Variants in EI24 observed in about 807,000 individuals in gnomAD.
EI24 encodes etoposide-induced protein 2.4 homolog.
In EI24, 21 loss-of-function variants were observed where a neutral mutation model predicts 48.6. The ratio of observed to expected loss-of-function variants is 0.43; its 90% CI spans 0.31 to 0.62. EI24 has a LOEUF of 0.62. EI24 is among the 20% of genes least tolerant of loss of function. The pLI, the probability that EI24 is intolerant of heterozygous loss-of-function variation, is 0.10. For missense variants in EI24, 280 were observed against 410.5 expected (o/e 0.68, Z 2.75); for synonymous variants, 114 against 145.5 (o/e 0.78, Z 1.56).
At chr11:125,573,441 A>G (rs1265228306) in intron 2 of EI24, 1 of 215,448 alleles carries the variant, frequency 4.6e-6, no homozygotes, top group South Asian at 5.4e-5. Context: ...TTAGTGGAAG[A>G]GTTTAAAAGG....
At chr11:125,577,929 C>A in intron 5 of EI24, 1 of 639,536 alleles carries the variant, frequency 1.6e-6, no homozygotes. Context: ...CAGCACATAT[C>A]TATGGTTTCT....
At chr11:125,579,431 C>T (rs929585617) in intron 7 of EI24, among the ~76,000 whole-genome samples, 2 of 151,468 alleles carry the variant, frequency 1.3e-5, no homozygotes, top group African/African-American at 4.9e-5. Context: ...TTTGGGAGGC[C>T]GAGGTGGGCG....
chr11:125,579,953 TGTGCCCA>T (rs1392591414), intron 7 of EI24, 133 bp from the exon 8 acceptor site: 100 of 703,232 alleles, frequency 1.4e-4, no homozygotes, highest in Non-Finnish European at 2.3e-4. Flanking sequence ...AATGAGTCAC[TGTGCCCA>T]CCCTGCACTC....
intron 10 of EI24, among the ~76,000 whole-genome samples, 172 bp from the exon 11 acceptor site, chr11:125,583,349 G>A (rs1436025061): frequency 6.6e-6 from 1 of 152,116 alleles, no homozygotes; most frequent in African/African-American, 2.4e-5. Context: ...CGGCTCCAAT[G>A]TATTCTTTAG....
intron 5 of EI24, 78 bp from the exon 6 acceptor site, chr11:125,578,055 T>A: frequency 6.4e-7 from 1 of 1,559,828 alleles, no homozygotes; most frequent in Non-Finnish European, 8.8e-7. Context: ...CAGAGAATAG[T>A]CACGAGATGG....
chr11:125,577,905 A>AGGTTTGTG, intron 5 of EI24: 1 of 593,554 alleles, frequency 1.7e-6, no homozygotes. Flanking sequence ...TCATGTAAGC[A>AGGTTTGTG]GGTTTGTGTC....
chr11:125,582,965 A>C (rs1939073946), intron 10 of EI24, among the ~76,000 whole-genome samples: 1 of 152,234 alleles, frequency 6.6e-6, no homozygotes, highest in African/African-American at 2.4e-5. Flanking sequence ...CATAGCTTGA[A>C]GTCTGTACCC....
At chr11:125,583,466 C>T (rs1427865953) in intron 10 of EI24, 55 bp from the exon 11 acceptor site, 3 of 1,415,286 alleles carry the variant, frequency 2.1e-6, no homozygotes, top group African/African-American at 1.4e-5. Flanking sequence ...TGTCAAACAA[C>T]GGAAATAATT....
At position 125,575,411 on chromosome 11, in the gene EI24, A is replaced by C. The variant is rs562638025; in HGVS notation, c.188+3A>C. The C allele has an allele frequency of 1.3e-6, 2 of 1,585,226 alleles. No homozygotes were observed. The highest frequency in any genetic ancestry group is 2.7e-5 in the African/African-American group (2 of 74,474). ...AGTATAGAGCGGAAGCAAGAGAGGT[A>C]AGGAGTGCATGCCTGATATCAAAAT... On this transcript the variant is annotated splice_donor_region_variant and intron_variant, in intron 3 of 10. Coordinates refer to ENST00000278903, the MANE Select transcript of EI24 (RefSeq NM_004879.5).
chr11:125,573,350 A>T (rs1938599924), intron 2 of EI24: 1 of 167,004 alleles, frequency 6.0e-6, no homozygotes. Flanking sequence ...TCTGAAGCCT[A>T]ATAATGTCTC....
At chr11:125,578,878 A>C in intron 6 of EI24, 71 bp from the exon 7 acceptor site, 1 of 1,504,950 alleles carries the variant, frequency 6.6e-7, no homozygotes, top group Non-Finnish European at 8.9e-7. Context: ...GTGGCGGACT[A>C]GTGGCCTTAG....
At chr11:125,571,941 TTAAAC>T (rs1938551234) in intron 1 of EI24, among the ~76,000 whole-genome samples, 1 of 152,216 alleles carries the variant, frequency 6.6e-6, no homozygotes, top group African/African-American at 2.4e-5. Flanking sequence ...ATGTCATACC[TTAAAC>T]TTTACTGTGC....
chr11:125,578,875 A>G (rs1591358738), intron 6 of EI24, 74 bp from the exon 7 acceptor site: 1 of 1,491,456 alleles, frequency 6.7e-7, no homozygotes, highest in Non-Finnish European at 9.0e-7. Flanking sequence ...CTAGTGGCGG[A>G]CTAGTGGCCT....
intron 8 of EI24, chr11:125,580,974 G>A (rs1205391551): frequency 1.9e-5 from 3 of 157,292 alleles, no homozygotes; most frequent in Non-Finnish European, 4.1e-5. Context: ...CTACTTGGGA[G>A]GCTGAGGTGG....
At chr11:125,571,941 T>C (rs1413375435) in intron 1 of EI24, among the ~76,000 whole-genome samples, 1 of 152,216 alleles carries the variant, frequency 6.6e-6, no homozygotes, top group African/African-American at 2.4e-5. Flanking sequence ...ATGTCATACC[T>C]TAAACTTTAC....
At chr11:125,573,444 T>C in intron 2 of EI24, 1 of 243,592 alleles carries the variant, frequency 4.1e-6, no homozygotes, top group Non-Finnish European at 8.9e-6. Context: ...GTGGAAGAGT[T>C]TAAAAGGTTA....
At position 125,578,446 on chromosome 11, in the gene EI24, G is replaced by A. The variant is rs192300605; in HGVS notation, c.441+189G>A. ...GAATTATTGTCTCAGCATCTCATTG[G>A]CAGGTGTCTGGTGCCTTTTCTTTTT... On this transcript the variant is annotated intron_variant, in intron 6 of 10. Coordinates refer to ENST00000278903, the MANE Select transcript of EI24 (RefSeq NM_004879.5). Among the ~76,000 whole-genome samples the A allele has an allele frequency of 2.5e-3, 373 of 150,504 alleles. 4 individuals are homozygous for A. Among genetic ancestry groups the A allele is most frequent in the Middle Eastern group, 6.9e-3 (2 of 290 alleles).
chr11:125,577,684 CTTTT>C (rs930520823), intron 5 of EI24, 114 bp downstream of exon 5: 112 of 912,452 alleles, frequency 1.2e-4, no homozygotes, highest in Admixed American at 6.7e-4. Context: ...TGTTTATTTT[CTTTT>C]TTGTTGTTTT....
In EI24 at chr11:125,575,274, C is replaced by G. The variant is rs1938691516; in HGVS notation, c.54C>G (p.Asp18Glu). Residue 18 changes from aspartate (D) to glutamate (E), a missense_variant, in exon 3 of 11, where the codon GAC (aspartate) becomes GAG (glutamate). By Grantham distance (45) the Asp-to-Glu change is conservative. Transcript: ENST00000278903. Reference protein sequence around the residue: ...FLQDLARGIKDSIWGICTISK... With the variant: ...FLQDLARGIKESIWGICTISK... ...AGCCTTTTCTATAGGGAATCAAAGA[C>G]TCCATCTGGGGTATTTGTACCATCT... 6.5e-7 allele frequency: 1 copy of G among 1,548,260 alleles called. No individual in the cohort carries two copies. The highest frequency in any genetic ancestry group is 8.7e-7 in the Non-Finnish European group (1 of 1,144,908).
Sources: allele counts gnomAD v4.1 joint callset (sites outside exome capture counted in the v4.1 genomes callset), GRCh38; gene constraint gnomAD v4.1.1; transcripts MANE v1.5; gene names NCBI Gene and HGNC (gene_info 2026-07-23, HGNC 2026-07-21).